ARMH3: variants seen among roughly 807,000 people sequenced by gnomAD.
ARMH3 encodes armadillo-like helical domain-containing protein 3.
In ARMH3, 60 loss-of-function variants were observed where a neutral mutation model predicts 99.1. The ratio of observed to expected loss-of-function variants is 0.61; its 90% CI spans 0.49 to 0.75. The LOEUF is 0.75. Ranked by LOEUF, ARMH3 falls within the 30% of genes least tolerant of loss-of-function variation. ARMH3 has a pLI of 0.00. For synonymous variants in ARMH3, 285 were observed against 292.8 expected, an observed-to-expected ratio of 0.97 and a Z score of 0.27; for missense variants, 679 against 843.1, an observed-to-expected ratio of 0.81 and a Z score of 2.41.
chr10:101,985,276 G>GTATATACGTATATACACACGTA (rs2135975650), intron 19 of ARMH3, among the ~76,000 whole-genome samples: 1 of 142,674 alleles, frequency 7.0e-6, no homozygotes, highest in Non-Finnish European at 1.5e-5. Context: ...ATACGTATGT[G>GTATATACGTATATACACACGTA]TATATACGTA....
intron 1 of ARMH3, among the ~76,000 whole-genome samples, chr10:102,050,860 A>T (rs1264875214): frequency 6.8e-6 from 1 of 146,984 alleles, no homozygotes; most frequent in Admixed American, 6.8e-5. Context: ...CCATCTCAGA[A>T]AAAAAAAAAA....
At chr10:102,016,944 G>A (rs1320658087) in intron 8 of ARMH3, among the ~76,000 whole-genome samples, 1 of 152,114 alleles carries the variant, frequency 6.6e-6, no homozygotes, top group African/African-American at 2.4e-5. Context: ...CTTGAAGTGA[G>A]GAAGAACTAC....
At chr10:101,988,082 T>C (rs1846594786) in intron 19 of ARMH3, among the ~76,000 whole-genome samples, 1 of 152,166 alleles carries the variant, frequency 6.6e-6, no homozygotes, top group Non-Finnish European at 1.5e-5. Context: ...CCACAGAAAC[T>C]GTGAGGTGAT....
In ARMH3 at chr10:101,865,783, C is replaced by T. The variant is rs146705546; in HGVS notation, c.1861-15891G>A. ...GGATTACAGGCGTGAGCCGCTGCAC[C>T]TGGCCTACTGTAATATTTTCATAGC... On this transcript the variant is annotated intron_variant, in intron 24 of 25. Coordinates refer to ENST00000370033, the MANE Select transcript of ARMH3 (RefSeq NM_024541.3). 7.6e-3 allele frequency among the ~76,000 whole-genome samples: 1,163 copies of T among 152,060 alleles called. 10 individuals carry two copies. The highest frequency in any genetic ancestry group is 0.014 in the Middle Eastern group (4 of 294).
chr10:101,865,047 T>A (rs2066967063), intron 24 of ARMH3, among the ~76,000 whole-genome samples: 1 of 151,612 alleles, frequency 6.6e-6, no homozygotes, highest in East Asian at 1.9e-4. Context: ...AAACCCCGTC[T>A]CTACTAAAAA....
At chr10:102,050,999 T>G (rs1180082861) in intron 1 of ARMH3, among the ~76,000 whole-genome samples, 1 of 149,256 alleles carries the variant, frequency 6.7e-6, no homozygotes, top group Non-Finnish European at 1.5e-5. Flanking sequence ...ACTAAAAATA[T>G]AAAAATTAGC....
At chr10:102,003,913 G>A (rs2066425382) in intron 14 of ARMH3, among the ~76,000 whole-genome samples, 1 of 152,058 alleles carries the variant, frequency 6.6e-6, no homozygotes. Flanking sequence ...TCATGTTATG[G>A]GTTAATGACC....
chr10:101,951,948 A>G (rs1381625394), intron 22 of ARMH3, among the ~76,000 whole-genome samples: 1 of 151,892 alleles, frequency 6.6e-6, no homozygotes, highest in East Asian at 1.9e-4. Context: ...AGGAGGAGGA[A>G]GAAGAGGAAT....
At chr10:101,897,972 GCTCTCTTTTCCC>G in intron 23 of ARMH3, among the ~76,000 whole-genome samples, 1 of 152,174 alleles carries the variant, frequency 6.6e-6, no homozygotes, top group Non-Finnish European at 1.5e-5. Flanking sequence ...CTGCAAAGCA[GCTCTCTTTTCCC>G]AAGTGCCGGG....
chr10:101,995,788 CTGGCAATGAAA>C (rs1311744714), intron 15 of ARMH3, among the ~76,000 whole-genome samples: 2 of 152,232 alleles, frequency 1.3e-5, no homozygotes, highest in Admixed American at 6.5e-5. Context: ...TCATAGCAAA[CTGGCAATGAAA>C]TCAAAAAGAA....
chr10:101,864,077 AAACACACACACACAC>A (rs2066939310), intron 24 of ARMH3, among the ~76,000 whole-genome samples: 1 of 130,356 alleles, frequency 7.7e-6, no homozygotes, highest in African/African-American at 2.9e-5. Context: ...AAAAAAAAAA[AAACACACACACACAC>A]ACACACACAC....
intron 24 of ARMH3, among the ~76,000 whole-genome samples, chr10:101,862,014 A>G (rs926895915): frequency 2.2e-5 from 3 of 136,800 alleles, no homozygotes; most frequent in African/African-American, 8.2e-5. Flanking sequence ...GTGCCACTGC[A>G]CTCCAGCCTG....
At chr10:101,893,947 T>A (rs1037403856) in intron 23 of ARMH3, among the ~76,000 whole-genome samples, 1 of 152,170 alleles carries the variant, frequency 6.6e-6, no homozygotes, top group African/African-American at 2.4e-5. Flanking sequence ...TCTGGGAATA[T>A]ATATTTGGAA....
At chr10:102,002,633 C>T (rs949400102) in intron 14 of ARMH3, among the ~76,000 whole-genome samples, 3 of 151,908 alleles carry the variant, frequency 2.0e-5, no homozygotes, top group Non-Finnish European at 4.4e-5. Context: ...TTCCCTTCCC[C>T]GCTTAAGGGA....
At chr10:101,960,666 T>G (rs886427240) in intron 20 of ARMH3, among the ~76,000 whole-genome samples, 1 of 151,670 alleles carries the variant, frequency 6.6e-6, no homozygotes, top group African/African-American at 2.4e-5. Flanking sequence ...TGAGGCAGGC[T>G]GATCATGAGG....
At position 101,846,886 on chromosome 10, in the gene ARMH3, G is replaced by A. The variant is rs1203367089; in HGVS notation, c.*642C>T. 2 of 152,586 alleles carry A rather than the reference G, an allele frequency of 1.3e-5. No individual in the cohort carries two copies. The highest frequency in any genetic ancestry group is 4.8e-5 in the African/African-American group (2 of 41,462). The allele number at this position is 152,586 out of a possible 1,614,324, so 9.5% of individuals were successfully genotyped here. A position where few individuals can be genotyped will look rare whatever the true frequency, so the allele number is the denominator to read the frequency against. On this transcript the variant is annotated 3_prime_UTR_variant, in exon 26 of 26. Coordinates refer to ENST00000370033, the MANE Select transcript of ARMH3 (RefSeq NM_024541.3). ...GAGGCAGGAGAATCGCTTGAACCCAGGAAGCGGAGGCTGCAGTAAAGCCGA... is the reference window on the plus strand; with the variant it reads ...GAGGCAGGAGAATCGCTTGAACCCAAGAAGCGGAGGCTGCAGTAAAGCCGA...
intron 22 of ARMH3, among the ~76,000 whole-genome samples, chr10:101,951,940 G>A (rs1844809955): frequency 6.8e-6 from 1 of 146,398 alleles, no homozygotes; most frequent in African/African-American, 2.8e-5. Context: ...GGAGGATGAG[G>A]AGGAGGAAGA....
At chr10:102,049,220 TA>T (rs2067631482) in intron 1 of ARMH3, among the ~76,000 whole-genome samples, 1 of 152,150 alleles carries the variant, frequency 6.6e-6, no homozygotes, top group Non-Finnish European at 1.5e-5. Flanking sequence ...TTTCTACTGC[TA>T]GTTCACTCCA....
chr10:102,008,678 A>G (rs1420861233), intron 13 of ARMH3, among the ~76,000 whole-genome samples: 1 of 151,374 alleles, frequency 6.6e-6, no homozygotes, highest in Admixed American at 6.6e-5. Flanking sequence ...TCAGCCTCCC[A>G]AGTAGCTGGG....
Sources: allele counts gnomAD v4.1 joint callset (sites outside exome capture counted in the v4.1 genomes callset), GRCh38; gene constraint gnomAD v4.1.1; transcripts MANE v1.5; gene names NCBI Gene and HGNC (gene_info 2026-07-23, HGNC 2026-07-21).